The following GOLGA7B variants were observed in gnomAD, a reference collection of about 807,000 sequenced individuals.
The protein encoded by GOLGA7B is golgin subfamily A member 7B.
In GOLGA7B, 17 loss-of-function variants were observed where a neutral mutation model predicts 21.5. That is an observed-to-expected ratio of 0.79 (90% CI 0.54 to 1.19). GOLGA7B has a LOEUF of 1.19. GOLGA7B is among the 50% of genes most tolerant of loss of function. GOLGA7B has a pLI of 0.00. For synonymous variants in GOLGA7B, 87 were observed against 84.0 expected, an observed-to-expected ratio of 1.04 and a Z score of -0.19; for missense variants, 169 against 224.4, an observed-to-expected ratio of 0.75 and a Z score of 1.58.
intron 2 of GOLGA7B, among the ~76,000 whole-genome samples, chr10:97,862,977 C>T (rs1418955064): frequency 1.3e-5 from 2 of 152,084 alleles, no homozygotes; most frequent in Non-Finnish European, 2.9e-5. Flanking sequence ...GAGGAGGAGA[C>T]GGGCCCAGGG....
intron 1 of GOLGA7B, among the ~76,000 whole-genome samples, chr10:97,855,461 T>C (rs1242694496): frequency 6.6e-6 from 1 of 152,228 alleles, no homozygotes; most frequent in Non-Finnish European, 1.5e-5. Context: ...GAATGGTTTC[T>C]TCCCTTTCTT....
In GOLGA7B at chr10:97,850,327, C is replaced by A; in HGVS notation, c.12+12C>A. On this transcript the variant is annotated intron_variant, in intron 1 of 4. Coordinates refer to ENST00000370602, the MANE Select transcript of GOLGA7B (RefSeq NM_001010917.3). ...TCATGGCCACCGAGGTAGGGGCGAG[C>A]GCCCCACCCGCAGGCAGTGCCCGAT... 1 of 1,512,610 alleles carries A rather than the reference C, an allele frequency of 6.6e-7. No individual in the cohort carries two copies. The highest frequency in any genetic ancestry group is 8.8e-7 in the Non-Finnish European group (1 of 1,131,142). 93.7% of individuals were successfully genotyped at this position (1,512,610 alleles called of 1,614,324 possible). A position where few individuals can be genotyped will look rare whatever the true frequency, so the allele number is the denominator to read the frequency against.
intron 2 of GOLGA7B, among the ~76,000 whole-genome samples, chr10:97,862,847 G>A (rs2049979377): frequency 6.6e-6 from 1 of 152,186 alleles, no homozygotes; most frequent in Non-Finnish European, 1.5e-5. Flanking sequence ...GTTGAATAAG[G>A]TGAGACCCAA....
chr10:97,851,749 A>T (rs1590157638), intron 1 of GOLGA7B, among the ~76,000 whole-genome samples: 3 of 152,226 alleles, frequency 2.0e-5, no homozygotes, highest in Admixed American at 2.0e-4. Flanking sequence ...TGCCTCTGCG[A>T]TGTGATCTGA....
chr10:97,865,539 C>T (rs761091655), intron 4 of GOLGA7B, 51 bp from the exon 5 acceptor site: 2 of 1,601,212 alleles, frequency 1.2e-6, no homozygotes, highest in South Asian at 2.2e-5. Context: ...GTTCATGTCC[C>T]ACCCCTGCTC....
Position 97,865,811 on chromosome 10 carries a change from T to G in GOLGA7B, c.*111T>G. 5.1e-5 allele frequency: 33 copies of G among 648,828 alleles called. No homozygotes were observed. The highest frequency in any genetic ancestry group is 1.2e-4 in the East Asian group (2 of 17,264). 40.2% of individuals were successfully genotyped at this position (648,828 alleles called of 1,614,324 possible). The stretch of plus-strand genomic sequence containing the variant: ...TCTGAGTCATTCTTTGGGCTCACCC[T>G]GCTGCCCGGGGTGGGAGGGAGGGTG... On this transcript the variant is annotated 3_prime_UTR_variant, in exon 5 of 5. Coordinates refer to ENST00000370602, the MANE Select transcript of GOLGA7B (RefSeq NM_001010917.3).
intron 1 of GOLGA7B, among the ~76,000 whole-genome samples, chr10:97,856,514 CTT>C (rs1448940634): frequency 1.3e-5 from 2 of 152,160 alleles, no homozygotes; most frequent in Non-Finnish European, 2.9e-5. Context: ...GGTTCTATGA[CTT>C]TGCTATTGTG....
Position 97,866,796 on chromosome 10 carries a change from A to T in GOLGA7B, c.*1096A>T, listed in dbSNP as rs558904872. On this transcript the variant is annotated 3_prime_UTR_variant, in exon 5 of 5. Coordinates refer to ENST00000370602, the MANE Select transcript of GOLGA7B (RefSeq NM_001010917.3). ...CATGTGTGTATGAGTGTTCATGTGT[A>T]TGAGTGTGTGTGTATGCAGGTGAGT... 6.6e-6 allele frequency: 1 copy of T among 152,070 alleles called. No individual in the cohort carries two copies. The highest frequency in any genetic ancestry group is 2.1e-4 in the South Asian group (1 of 4,818). 9.4% of individuals were successfully genotyped at this position (152,070 alleles called of 1,614,324 possible). A position where few individuals can be genotyped will look rare whatever the true frequency, so the allele number is the denominator to read the frequency against.
At chr10:97,865,478 G>A in intron 4 of GOLGA7B, 112 bp from the exon 5 acceptor site, 1 of 1,542,060 alleles carries the variant, frequency 6.5e-7, no homozygotes, top group Admixed American at 1.8e-5. Flanking sequence ...CTACTGTCTA[G>A]GCAGCAGCAC....
chr10:97,856,580 A>G (rs2049936566), intron 1 of GOLGA7B, among the ~76,000 whole-genome samples: 1 of 152,084 alleles, frequency 6.6e-6, no homozygotes, highest in African/African-American at 2.4e-5. Flanking sequence ...ATAATGATTT[A>G]TTTTCCTTTG....
intron 2 of GOLGA7B, among the ~76,000 whole-genome samples, chr10:97,861,596 T>A (rs990332533): frequency 1.3e-5 from 2 of 152,214 alleles, no homozygotes; most frequent in African/African-American, 4.8e-5. Context: ...TTGCTTCTGG[T>A]CCAGGGGTGT....
chr10:97,860,962 G>C (rs145277182), intron 2 of GOLGA7B, among the ~76,000 whole-genome samples: 35 of 152,270 alleles, frequency 2.3e-4, no homozygotes, highest in Admixed American at 1.4e-3. Flanking sequence ...GGGTTTAAAG[G>C]CTGCTCAGAT....
rs1158130457 is a variant in GOLGA7B at position 97,870,607 on chromosome 10, A to G, written c.*4907A>G. On this transcript the variant is annotated 3_prime_UTR_variant, in exon 5 of 5. Coordinates refer to ENST00000370602, the MANE Select transcript of GOLGA7B (RefSeq NM_001010917.3). The stretch of plus-strand genomic sequence containing the variant: ...GTCTGTACTGGTGATATATTTCAAT[A>G]AAATTCACCAGAAAAGCCTGTTGGC... The G allele has an allele frequency of 2.6e-5, 4 of 152,222 alleles. No homozygotes were observed. The highest frequency in any genetic ancestry group is 6.5e-5 in the Admixed American group (1 of 15,280). The allele number at this position is 152,222 out of a possible 1,614,324, so 9.4% of individuals were successfully genotyped here. A position where few individuals can be genotyped will look rare whatever the true frequency, so the allele number is the denominator to read the frequency against.
intron 1 of GOLGA7B, among the ~76,000 whole-genome samples, chr10:97,853,152 T>C (rs2049914235): frequency 6.6e-6 from 1 of 152,184 alleles, no homozygotes; most frequent in African/African-American, 2.4e-5. Flanking sequence ...TGAGCACTGG[T>C]ACAGGCTGAG....
In GOLGA7B at chr10:97,850,318, AGG is replaced by A. The variant is rs545983535; in HGVS notation, c.12+6_12+7del. Reference sequence around the variant, plus strand: ...GCCCCCGGATCATGGCCACCGAGGTAGGGGCGAGCGCCCCACCCGCAGGCAGT... The same window carrying A: ...GCCCCCGGATCATGGCCACCGAGGTAGGCGAGCGCCCCACCCGCAGGCAGT... On this transcript the variant is annotated splice_donor_5th_base_variant and intron_variant, in intron 1 of 4. Transcript: ENST00000370602. 3,373 of 1,516,720 alleles carry A rather than the reference AGG, an allele frequency of 2.2e-3. 5 individuals are homozygous for A. Among genetic ancestry groups the A allele is most frequent in the Non-Finnish European group, 2.8e-3 (3,159 of 1,133,994 alleles). 94.0% of individuals were successfully genotyped at this position (1,516,720 alleles called of 1,614,324 possible).
intron 1 of GOLGA7B, among the ~76,000 whole-genome samples, chr10:97,853,276 A>G (rs2049914933): frequency 6.6e-6 from 1 of 152,270 alleles, no homozygotes; most frequent in South Asian, 2.1e-4. Flanking sequence ...TGCTGGCATC[A>G]GCGGAACCTC....
At chr10:97,851,137 C>T (rs1370819742) in intron 1 of GOLGA7B, among the ~76,000 whole-genome samples, 1 of 152,012 alleles carries the variant, frequency 6.6e-6, no homozygotes, top group Non-Finnish European at 1.5e-5. Flanking sequence ...GTGTGGAAAA[C>T]GAAAGGACTA....
At chr10:97,857,471 A>G (rs944196743) in intron 1 of GOLGA7B, among the ~76,000 whole-genome samples, 1 of 152,160 alleles carries the variant, frequency 6.6e-6, no homozygotes, top group Non-Finnish European at 1.5e-5. Flanking sequence ...GAAATCGTAG[A>G]TAACACAGAC....
At position 97,864,289 on chromosome 10, in the gene GOLGA7B, T is replaced by G; in HGVS notation, c.393+20T>G. 1 of 1,597,710 alleles carries G rather than the reference T, an allele frequency of 6.3e-7. No homozygotes were observed. Among genetic ancestry groups the G allele is most frequent in the Non-Finnish European group, 8.6e-7 (1 of 1,165,108 alleles). On this transcript the variant is annotated intron_variant, in intron 4 of 4. Coordinates refer to ENST00000370602, the MANE Select transcript of GOLGA7B (RefSeq NM_001010917.3). Reference sequence around the variant, plus strand: ...AGGGTTGTATCCTTCTGGGCTATTCTGTGTTGAGGGCACAGGACTGCTAAC... The same window carrying G: ...AGGGTTGTATCCTTCTGGGCTATTCGGTGTTGAGGGCACAGGACTGCTAAC...
Sources: gnomAD v4.1 joint callset for allele counts (sites outside exome capture counted in the v4.1 genomes callset) on GRCh38, gnomAD v4.1.1 for gene constraint, MANE v1.5 for transcripts, NCBI Gene and HGNC (gene_info 2026-07-23, HGNC 2026-07-21) for gene names.